Variants in TTC17 observed in about 807,000 individuals in gnomAD.
TTC17 encodes the protein tetratricopeptide repeat domain 17.
TTC17 carries 58 observed loss-of-function variants against 143.8 expected under a neutral mutation model. The ratio of observed to expected loss-of-function variants is 0.40; its 90% CI spans 0.33 to 0.50. The LOEUF is 0.50. Among genes scored for constraint, TTC17 ranks in the 20% least tolerant of loss-of-function variants. TTC17 has a pLI of 0.49. For missense variants in TTC17, 1,273 were observed against 1,392.5 expected, an observed-to-expected ratio of 0.91 and a Z score of 1.37; for synonymous variants, 501 against 497.8, an observed-to-expected ratio of 1.01 and a Z score of -0.09.
intron 1 of TTC17, among the ~76,000 whole-genome samples, chr11:43,368,622 C>T (rs1050234945): frequency 6.6e-6 from 1 of 152,184 alleles, no homozygotes; most frequent in Non-Finnish European, 1.5e-5. Flanking sequence ...CCTACCTGGT[C>T]TCCTTGCTTC....
chr11:43,445,537 T>G (rs1267620185), intron 18 of TTC17, among the ~76,000 whole-genome samples: 2 of 152,166 alleles, frequency 1.3e-5, no homozygotes, highest in Non-Finnish European at 2.9e-5. Flanking sequence ...AACTAAAAAT[T>G]TATTATAAAA....
intron 1 of TTC17, among the ~76,000 whole-genome samples, chr11:43,362,810 A>G (rs1590297182): frequency 2.0e-5 from 3 of 152,070 alleles, no homozygotes; most frequent in East Asian, 1.9e-4. Flanking sequence ...ACCTTCCCCA[A>G]TTTTTAGGTT....
At chr11:43,458,040 T>G (rs986371894) in intron 21 of TTC17, among the ~76,000 whole-genome samples, 2 of 152,184 alleles carry the variant, frequency 1.3e-5, no homozygotes, top group African/African-American at 4.8e-5. Flanking sequence ...AAAAATATTA[T>G]TTCTGTATCA....
chr11:43,462,821 T>A (rs1232562843), intron 21 of TTC17, among the ~76,000 whole-genome samples: 4 of 151,982 alleles, frequency 2.6e-5, no homozygotes, highest in African/African-American at 9.7e-5. Context: ...AAAATTATAA[T>A]AACTGATAGC....
intron 1 of TTC17, among the ~76,000 whole-genome samples, chr11:43,371,826 CA>C (rs1308370437): frequency 3.3e-5 from 5 of 152,068 alleles, no homozygotes; most frequent in Non-Finnish European, 7.4e-5. Context: ...AGTTGTATGC[CA>C]AGAAAAGGTG....
Position 43,474,314 on chromosome 11 carries a change from A to T in TTC17, c.3031-15925A>T, listed in dbSNP as rs547620848. ...TCTTAGGATACTATTTATCTTTTTTAAAAAATGGCAAGGGAAGAGTGGATA... is the reference window on the plus strand; with the variant it reads ...TCTTAGGATACTATTTATCTTTTTTTAAAAATGGCAAGGGAAGAGTGGATA... On this transcript the variant is annotated intron_variant, in intron 21 of 23. Transcript: ENST00000039989. 1.8e-3 allele frequency among the ~76,000 whole-genome samples: 267 copies of T among 152,326 alleles called. 1 individual carries two copies. Among genetic ancestry groups the T allele is most frequent in the Non-Finnish European group, 2.9e-3 (196 of 68,032 alleles).
rs535228261 is a variant in TTC17, at chr11:43,376,706, A to C, written c.160-2527A>C. 2.6e-5 allele frequency among the ~76,000 whole-genome samples: 4 copies of C among 152,290 alleles called. No individual in the cohort carries two copies. In the East Asian group the frequency reaches 7.7e-4, roughly 29 times the overall value. On this transcript the variant is annotated intron_variant, in intron 1 of 23. Transcript: ENST00000039989. ...AGGAGTACATAGACTCTAAACATTGACTCAGGACATCGACTCATAGTGGGC... is the reference window on the plus strand; with the variant it reads ...AGGAGTACATAGACTCTAAACATTGCCTCAGGACATCGACTCATAGTGGGC...
chr11:43,427,855 G>C (rs1947065534), intron 16 of TTC17, among the ~76,000 whole-genome samples: 1 of 151,898 alleles, frequency 6.6e-6, no homozygotes, highest in African/African-American at 2.4e-5. Flanking sequence ...CCAACATTTA[G>C]CACATAGAAT....
chr11:43,493,718 A>G, intron 23 of TTC17, 55 bp from the exon 24 acceptor site: 1 of 1,612,568 alleles, frequency 6.2e-7, no homozygotes, highest in Non-Finnish European at 8.5e-7. Context: ...AGGTCACAGT[A>G]TATATTTAGT....
Position 43,443,589 on chromosome 11 carries a change from G to A in TTC17, c.2511+5G>A, listed in dbSNP as rs373178079. ...GATGATGAAGCAACAGAATGGGTAAGTTTGCCAACTTAATTCTCACAAAAT... is the reference window on the plus strand; with the variant it reads ...GATGATGAAGCAACAGAATGGGTAAATTTGCCAACTTAATTCTCACAAAAT... On this transcript the variant is annotated splice_donor_5th_base_variant and intron_variant, in intron 17 of 23. Transcript: ENST00000039989. 1.5e-5 allele frequency: 24 copies of A among 1,601,548 alleles called. No individual in the cohort carries two copies. The African/African-American group carries it at 2.6e-4, about 17-fold the overall frequency.
intron 16 of TTC17, among the ~76,000 whole-genome samples, chr11:43,435,675 C>T (rs1180684423): frequency 6.6e-6 from 1 of 152,210 alleles, no homozygotes; most frequent in Non-Finnish European, 1.5e-5. Context: ...CTGCCATCAT[C>T]CCCCTTTAAT....
At chr11:43,422,069 A>T (rs1353959421) in intron 16 of TTC17, among the ~76,000 whole-genome samples, 1 of 152,184 alleles carries the variant, frequency 6.6e-6, no homozygotes, top group Non-Finnish European at 1.5e-5. Context: ...GTGAGAGATG[A>T]TATTGGCCTG....
Position 43,448,071 on chromosome 11 carries a change from A to T in TTC17, c.2735A>T (p.Glu912Val). The T allele has an allele frequency of 6.2e-7, 1 of 1,614,168 alleles. No individual in the cohort carries two copies. Among genetic ancestry groups the T allele is most frequent in the Non-Finnish European group, 8.5e-7 (1 of 1,180,010 alleles). Residue 912 changes from glutamate to valine, a missense_variant, in exon 19 of 24, where the codon GAG becomes GTG. Physicochemically the swap from Glu to Val is moderately radical, Grantham distance 121. Around this residue, in one of 3 missense-constraint regions of TTC17, gnomAD observed 878 missense variants for 899.8 expected, o/e 0.98. Transcript: ENST00000039989. ...PDECLKLRWV[E>V]LTAIVSTWLA... Reference sequence around the variant, plus strand: ...GAATGCCTCAAACTCCGCTGGGTAGAGCTGACTGCCATCGTGAGTACCTGG... The same window carrying T: ...GAATGCCTCAAACTCCGCTGGGTAGTGCTGACTGCCATCGTGAGTACCTGG...
intron 21 of TTC17, among the ~76,000 whole-genome samples, chr11:43,474,739 A>G (rs375772973): frequency 1.1e-4 from 16 of 152,348 alleles, no homozygotes; most frequent in African/African-American, 3.4e-4. Context: ...CTTAACTACT[A>G]ATAGCCCACT....
Position 43,435,589 on chromosome 11 carries a change from G to C in TTC17, c.2252-7736G>C, listed in dbSNP as rs144366147. On this transcript the variant is annotated intron_variant, in intron 16 of 23. Coordinates refer to ENST00000039989, the MANE Select transcript of TTC17 (RefSeq NM_018259.6). The stretch of plus-strand genomic sequence containing the variant: ...TGCCGAAAGTTATTTTTATTGATAT[G>C]ACCAGAACCTGTTTTCCAAAAGAAA... 2.6e-3 allele frequency among the ~76,000 whole-genome samples: 403 copies of C among 152,254 alleles called. 2 individuals carry two copies. The highest frequency in any genetic ancestry group is 3.5e-3 in the Non-Finnish European group (238 of 68,022).
At chr11:43,436,176 A>G in intron 16 of TTC17, 2 of 1,404,834 alleles carry the variant, frequency 1.4e-6, no homozygotes, top group African/African-American at 2.9e-5. Context: ...AATTGTCATG[A>G]GAAAACCCTG....
At chr11:43,443,870 A>G (rs1947478795) in intron 17 of TTC17, among the ~76,000 whole-genome samples, 186 bp from the exon 18 acceptor site, 1 of 152,208 alleles carries the variant, frequency 6.6e-6, no homozygotes, top group South Asian at 2.1e-4. Flanking sequence ...TCTTCTATAC[A>G]TTCTTCGAGA....
At chr11:43,472,071 T>C (rs1350632514) in intron 21 of TTC17, among the ~76,000 whole-genome samples, 17 of 152,148 alleles carry the variant, frequency 1.1e-4, no homozygotes, top group Admixed American at 6.5e-4. Flanking sequence ...TAAAAAGATA[T>C]ATCAGCCAGG....
At position 43,494,577 on chromosome 11, in the gene TTC17, T is replaced by A. The variant is rs1948527168; in HGVS notation, c.*673T>A. 6.6e-6 allele frequency: 1 copy of A among 152,212 alleles called. No homozygotes were observed. The allele number at this position is 152,212 out of a possible 1,614,324, so 9.4% of individuals were successfully genotyped here. ...GGCTGAGAAGGGGAAATCAGCAGTG[T>A]GCAACATCTTTATAATTTGTACTTT... is the stretch of plus-strand genomic sequence containing the variant. On this transcript the variant is annotated 3_prime_UTR_variant, in exon 24 of 24. Transcript: ENST00000039989.
Sources: gnomAD v4.1 joint callset for allele counts (sites outside exome capture counted in the v4.1 genomes callset) on GRCh38, gnomAD v4.1.1 for gene constraint, gnomAD v4.1.1 regional missense constraint, MANE v1.5 for transcripts, NCBI Gene and HGNC (gene_info 2026-07-23, HGNC 2026-07-21) for gene names.